Variants in RBFOX1 observed in about 807,000 individuals in gnomAD.
The protein encoded by RBFOX1 is RNA binding protein fox-1 homolog 1.
A neutral mutation model predicts 57.7 loss-of-function variants in RBFOX1; 8 were observed. The ratio of observed to expected loss-of-function variants is 0.14; its 90% CI spans 0.08 to 0.25. The LOEUF (loss-of-function observed/expected upper bound fraction) is 0.25. Ranked by LOEUF, RBFOX1 falls within the 10% of genes least tolerant of loss-of-function variation. The probability of loss-of-function intolerance (pLI) is 1.00; values close to 1 mark genes in which losing one functional copy is unlikely to be tolerated. For missense variants in RBFOX1, 611 were observed against 548.5 expected (o/e 1.11, Z -1.14); for synonymous variants, 326 against 222.4 (o/e 1.47, Z -4.15).
chr16:6,654,702 G>C (rs2098633712), intron 3 of RBFOX1, 52 bp downstream of exon 3: 3 of 1,390,040 alleles, frequency 2.2e-6, no homozygotes, highest in Non-Finnish European at 2.9e-6. Context: ...AGAACTCTGT[G>C]AATTGAACCC....
At chr16:6,942,433 A>T (rs774815012) in intron 3 of RBFOX1, among the ~76,000 whole-genome samples, 3 of 152,126 alleles carry the variant, frequency 2.0e-5, no homozygotes, top group Non-Finnish European at 4.4e-5. Flanking sequence ...TGCTGGGATT[A>T]CAGTTTTGAG....
chr16:7,099,218 G>A (rs1005547043), intron 4 of RBFOX1, among the ~76,000 whole-genome samples: 5 of 152,144 alleles, frequency 3.3e-5, no homozygotes, highest in African/African-American at 9.7e-5. Context: ...TTCTGCATAC[G>A]TGTGGATGTA....
chr16:7,117,816 C>T (rs764291758), intron 4 of RBFOX1, among the ~76,000 whole-genome samples: 4 of 152,132 alleles, frequency 2.6e-5, no homozygotes, highest in East Asian at 3.9e-4. Flanking sequence ...AGACTCATCT[C>T]GAACAGGATC....
At chr16:5,592,212 G>T (rs1245353393) in intron 2 of RBFOX1, among the ~76,000 whole-genome samples, 1 of 151,814 alleles carries the variant, frequency 6.6e-6, no homozygotes, top group Non-Finnish European at 1.5e-5. Context: ...TATTGACTGG[G>T]GCGAAGCTCT....
At chr16:5,447,503 T>C (rs888418566) in intron 1 of RBFOX1, among the ~76,000 whole-genome samples, 1 of 151,954 alleles carries the variant, frequency 6.6e-6, no homozygotes, top group African/African-American at 2.4e-5. Context: ...ATTCAAGTGG[T>C]TCTCCTGCCT....
At chr16:7,559,447 C>T (rs1048021207) in intron 5 of RBFOX1, among the ~76,000 whole-genome samples, 5 of 152,160 alleles carry the variant, frequency 3.3e-5, no homozygotes, top group Admixed American at 6.5e-5. Context: ...TTGGAAACAT[C>T]ACCTGCCTCC....
At chr16:7,034,189 C>G (rs912235794) in intron 3 of RBFOX1, among the ~76,000 whole-genome samples, 4 of 152,126 alleles carry the variant, frequency 2.6e-5, no homozygotes, top group African/African-American at 4.8e-5. Flanking sequence ...TGACTCCTGG[C>G]TCTGGTTTTT....
chr16:7,025,478 G>A (rs1248043701), intron 3 of RBFOX1, among the ~76,000 whole-genome samples: 3 of 152,120 alleles, frequency 2.0e-5, no homozygotes, highest in Non-Finnish European at 4.4e-5. Context: ...ATCCTAGTAG[G>A]TCTCAGCCTT....
intron 2 of RBFOX1, among the ~76,000 whole-genome samples, chr16:6,642,882 T>G (rs1444761892): frequency 6.6e-6 from 1 of 152,184 alleles, no homozygotes; most frequent in African/African-American, 2.4e-5. Context: ...AAGGTAAACT[T>G]TACTCCCTTG....
intron 4 of RBFOX1, among the ~76,000 whole-genome samples, chr16:7,493,804 G>A (rs1168412384): frequency 6.6e-6 from 1 of 152,224 alleles, no homozygotes; most frequent in Non-Finnish European, 1.5e-5. Context: ...TTTGCATTGT[G>A]TGAAGCCACA....
intron 3 of RBFOX1, among the ~76,000 whole-genome samples, chr16:5,694,278 T>A (rs2050782551): frequency 1.3e-5 from 2 of 152,224 alleles, no homozygotes; most frequent in Admixed American, 1.3e-4. Flanking sequence ...TCCTTCATCT[T>A]GACACACTGC....
chr16:5,970,439 C>T (rs1186016303), intron 4 of RBFOX1, among the ~76,000 whole-genome samples: 3 of 152,138 alleles, frequency 2.0e-5, no homozygotes, highest in Non-Finnish European at 4.4e-5. Context: ...AAGGCAGTCT[C>T]CTCTCTTGAC....
chr16:5,683,418 G>A (rs2050406012), intron 3 of RBFOX1, among the ~76,000 whole-genome samples: 2 of 152,100 alleles, frequency 1.3e-5, no homozygotes, highest in South Asian at 4.2e-4. Context: ...AGTCCTGGGT[G>A]TGTCTCTGTG....
intron 3 of RBFOX1, among the ~76,000 whole-genome samples, chr16:7,010,027 C>G (rs538441405): frequency 5.8e-4 from 79 of 135,656 alleles, no homozygotes; most frequent in African/African-American, 2.6e-3. Flanking sequence ...TCAGAGAACT[C>G]TTAAGAAAAA....
chr16:5,382,428 T>G (rs568903), intron 1 of RBFOX1, among the ~76,000 whole-genome samples: 1 of 151,590 alleles, frequency 6.6e-6, no homozygotes, highest in Non-Finnish European at 1.5e-5. Flanking sequence ...CCAACACTAT[T>G]TTTAAGTATG....
intron 5 of RBFOX1, among the ~76,000 whole-genome samples, chr16:7,560,182 C>G (rs987698687): frequency 2.0e-5 from 3 of 152,204 alleles, no homozygotes; most frequent in African/African-American, 7.2e-5. Context: ...CAACCAGAGG[C>G]AAACCTGTCA....
At chr16:6,537,433 T>G (rs1015018806) in intron 2 of RBFOX1, among the ~76,000 whole-genome samples, 3 of 152,222 alleles carry the variant, frequency 2.0e-5, no homozygotes, top group African/African-American at 7.2e-5. Flanking sequence ...GCGTGTATTA[T>G]TTAACACTCA....
chr16:6,255,862 AG>A (rs2097658004), intron 1 of RBFOX1, among the ~76,000 whole-genome samples: 1 of 151,812 alleles, frequency 6.6e-6, no homozygotes, highest in Non-Finnish European at 1.5e-5. Flanking sequence ...GGATACAGGG[AG>A]GAGAACGTCA....
intron 5 of RBFOX1, among the ~76,000 whole-genome samples, chr16:7,539,074 A>G (rs559849548): frequency 2.6e-5 from 4 of 152,282 alleles, no homozygotes; most frequent in Non-Finnish European, 5.9e-5. Context: ...TGTCTGCCTC[A>G]GTCTGTTGAT....
Sources: allele counts gnomAD v4.1 joint callset (sites outside exome capture counted in the v4.1 genomes callset), GRCh38; gene constraint gnomAD v4.1.1; transcripts MANE v1.5; gene names NCBI Gene and HGNC (gene_info 2026-07-23, HGNC 2026-07-21).